Variants in ESRRB observed in about 807,000 individuals in gnomAD.
ESRRB encodes steroid hormone receptor ERR2.
In ESRRB, 16 loss-of-function variants were observed where a neutral mutation model predicts 46.0. The observed-to-expected ratio is 0.35, with a 90% CI of 0.24 to 0.53. The LOEUF (loss-of-function observed/expected upper bound fraction) is 0.53. Ranked by LOEUF, ESRRB falls within the 20% of genes least tolerant of loss-of-function variation. The probability of loss-of-function intolerance (pLI) is 0.93; values close to 1 mark genes in which losing one functional copy is unlikely to be tolerated. For synonymous variants in ESRRB, 246 were observed against 259.6 expected, an observed-to-expected ratio of 0.95 and a Z score of 0.50; for missense variants, 488 against 607.4, an observed-to-expected ratio of 0.80 and a Z score of 2.07.
chr14:76,386,150 G>T (rs1315656232), intron 1 of ESRRB, among the ~76,000 whole-genome samples: 3 of 152,080 alleles, frequency 2.0e-5, no homozygotes, highest in African/African-American at 7.2e-5. Context: ...TAACACAAGG[G>T]GATTAAAGAA....
intron 2 of ESRRB, among the ~76,000 whole-genome samples, chr14:76,457,927 G>A (rs982734043): frequency 8.6e-5 from 13 of 151,990 alleles, no homozygotes; most frequent in Admixed American, 3.3e-4. Context: ...CTACTGCCTC[G>A]GCCACCCAAA....
chr14:76,323,336 G>T (rs1303883771), intron 1 of ESRRB, among the ~76,000 whole-genome samples: 4 of 148,332 alleles, frequency 2.7e-5, no homozygotes, highest in Admixed American at 1.3e-4. Context: ...TTGAGAGAGG[G>T]TCTCACTCTG....
chr14:76,498,155 C>G (rs1317721861), intron 6 of ESRRB, 59 bp from the exon 7 acceptor site: 1 of 1,609,068 alleles, frequency 6.2e-7, no homozygotes, highest in Non-Finnish European at 8.5e-7. Context: ...CCAAGATGGC[C>G]CCCACACCAG....
intron 3 of ESRRB, among the ~76,000 whole-genome samples, chr14:76,472,952 T>G (rs1180534785): frequency 1.3e-5 from 2 of 152,194 alleles, no homozygotes; most frequent in Non-Finnish European, 2.9e-5. Context: ...AAATACTCAT[T>G]CCTCGACATC....
intron 1 of ESRRB, among the ~76,000 whole-genome samples, chr14:76,398,797 C>T (rs145018097): frequency 6.6e-6 from 1 of 152,166 alleles, no homozygotes; most frequent in Non-Finnish European, 1.5e-5. Context: ...GAAACTGAGG[C>T]TGTGTGCCTT....
chr14:76,495,749 A>C (rs1416154667), intron 6 of ESRRB, among the ~76,000 whole-genome samples: 1 of 152,214 alleles, frequency 6.6e-6, no homozygotes, highest in Non-Finnish European at 1.5e-5. Flanking sequence ...AACAAAAATA[A>C]ATTATTAAAA....
chr14:76,394,170 C>T (rs1169862003), intron 1 of ESRRB, among the ~76,000 whole-genome samples: 2 of 151,960 alleles, frequency 1.3e-5, no homozygotes, highest in Non-Finnish European at 2.9e-5. Flanking sequence ...GAGATTGTGC[C>T]TGTGTCAGGT....
upstream of ESRRB, among the ~76,000 whole-genome samples, chr14:76,369,312 T>C (rs1884564500): frequency 1.3e-5 from 2 of 150,928 alleles, no homozygotes; most frequent in Non-Finnish European, 1.5e-5. Context: ...TCTAGCTCTG[T>C]CACCTAGGCT....
At chr14:76,361,522 A>T (rs913589866) in intron 1 of ESRRB, among the ~76,000 whole-genome samples, 45 of 152,244 alleles carry the variant, frequency 3.0e-4, no homozygotes, top group African/African-American at 1.1e-3. Flanking sequence ...TCTGAGAGTT[A>T]TCTCAGCAAC....
chr14:76,409,818 T>C (rs1340370153), intron 1 of ESRRB, among the ~76,000 whole-genome samples: 1 of 151,754 alleles, frequency 6.6e-6, no homozygotes, highest in Non-Finnish European at 1.5e-5. Flanking sequence ...GCTGAGGAAA[T>C]GAAGAAGGGA....
intron 1 of ESRRB, among the ~76,000 whole-genome samples, chr14:76,414,159 CCGTCCCCCCCGCCCCTGCAA>C (rs1437154285): frequency 1.7e-4 from 2 of 11,444 alleles, no homozygotes; most frequent in African/African-American, 5.5e-4. Flanking sequence ...CGCCCCTGCA[CCGTCCCCCCCGCCCCTGCAA>C]CGTCCCCCCG....
At chr14:76,483,842 G>C (rs1326383550) in intron 5 of ESRRB, among the ~76,000 whole-genome samples, 1 of 152,090 alleles carries the variant, frequency 6.6e-6, no homozygotes, top group East Asian at 1.9e-4. Flanking sequence ...TAGATACCAA[G>C]ACCCACAGTT....
intron 1 of ESRRB, among the ~76,000 whole-genome samples, chr14:76,358,088 G>A (rs1470172911): frequency 6.6e-6 from 1 of 151,894 alleles, no homozygotes; most frequent in African/African-American, 2.4e-5. Flanking sequence ...GAGGCGGGCA[G>A]ATCACATGAG....
At chr14:76,449,773 T>C (rs568859191) in intron 2 of ESRRB, among the ~76,000 whole-genome samples, 28 of 150,274 alleles carry the variant, frequency 1.9e-4, no homozygotes, top group African/African-American at 6.1e-4. Flanking sequence ...TTTTTTTTTT[T>C]TTTTTGGTCC....
At chr14:76,471,205 C>T (rs971408721) in intron 3 of ESRRB, among the ~76,000 whole-genome samples, 8 of 152,178 alleles carry the variant, frequency 5.3e-5, no homozygotes, top group Admixed American at 4.6e-4. Context: ...TCAGATTCTC[C>T]TACTTTTCTT....
chr14:76,427,179 A>T (rs1377657632), intron 1 of ESRRB, among the ~76,000 whole-genome samples: 1 of 152,090 alleles, frequency 6.6e-6, no homozygotes, highest in African/African-American at 2.4e-5. Context: ...TGTCCATCTT[A>T]CTGCCTCTGT....
rs1566859577 is a variant in ESRRB at position 76,358,319 on chromosome 14, AAAAAAAAGAAAGAAAGAAAG to A, written c.2+47407_2+47426del. On this transcript the variant is annotated intron_variant, in intron 1 of 6. Transcript: ENST00000512784. ...GGAGCAAGACTCTGTCTCAAAAAAAAAAAAAAAGAAAGAAAGAAAGAAAGAAAGAAAGAAAGAAAGAAAGA... is the reference window on the plus strand; with the variant it reads ...GGAGCAAGACTCTGTCTCAAAAAAAAAAAGAAAGAAAGAAAGAAAGAAAGA... 2.9e-4 allele frequency among the ~76,000 whole-genome samples: 23 copies of A among 80,052 alleles called. 1 individual carries two copies. Among genetic ancestry groups the A allele is most frequent in the Admixed American group, 7.7e-4 (5 of 6,522 alleles). The allele number at this position is 80,052 out of a possible 152,430, so 52.5% of individuals were successfully genotyped here. A position where few individuals can be genotyped will look rare whatever the true frequency, so the allele number is the denominator to read the frequency against.
At chr14:76,334,654 G>A (rs527755773) in intron 1 of ESRRB, among the ~76,000 whole-genome samples, 13 of 152,310 alleles carry the variant, frequency 8.5e-5, no homozygotes, top group East Asian at 3.9e-4. Context: ...GTGGGGAGGG[G>A]TGGCTGGCCC....
chr14:76,406,891 G>A (rs944760853), intron 1 of ESRRB, among the ~76,000 whole-genome samples: 1 of 152,228 alleles, frequency 6.6e-6, no homozygotes, highest in South Asian at 2.1e-4. Context: ...TTATTGATTA[G>A]TCTGTTTACT....
Sources: gnomAD v4.1 joint callset for allele counts (sites outside exome capture counted in the v4.1 genomes callset) on GRCh38, gnomAD v4.1.1 for gene constraint, MANE v1.5 for transcripts, NCBI Gene and HGNC (gene_info 2026-07-23, HGNC 2026-07-21) for gene names.